The following CAMK2B variants were observed in gnomAD, a reference collection of about 807,000 sequenced individuals.
The protein encoded by CAMK2B is calcium/calmodulin-dependent protein kinase type II subunit beta.
A neutral mutation model predicts 93.7 loss-of-function variants in CAMK2B; 27 were observed. That is an observed-to-expected ratio of 0.29 (90% CI 0.21 to 0.40). The LOEUF (loss-of-function observed/expected upper bound fraction) is 0.40, where lower values mean the gene tolerates loss of function less well. Among genes scored for constraint, CAMK2B ranks in the 10% least tolerant of loss-of-function variants. CAMK2B has a pLI of 1.00. For synonymous variants in CAMK2B, 374 were observed against 358.8 expected, an observed-to-expected ratio of 1.04 and a Z score of -0.48; for missense variants, 568 against 895.8, an observed-to-expected ratio of 0.63 and a Z score of 4.67.
intron 4 of CAMK2B, among the ~76,000 whole-genome samples, chr7:44,258,456 A>G (rs2096853028): frequency 6.6e-6 from 1 of 152,204 alleles, no homozygotes; most frequent in Non-Finnish European, 1.5e-5. Flanking sequence ...CACATTTCAC[A>G]GCCACACTCA....
intron 2 of CAMK2B, among the ~76,000 whole-genome samples, chr7:44,274,735 G>A (rs2097015517): frequency 6.6e-6 from 1 of 152,264 alleles, no homozygotes; most frequent in South Asian, 2.1e-4. Context: ...CCTGGAGGGA[G>A]CAAGGGGCGG....
At chr7:44,228,948 GA>G in intron 18 of CAMK2B, 24 bp from the exon 19 acceptor site, 1 of 1,607,384 alleles carries the variant, frequency 6.2e-7, no homozygotes, top group Non-Finnish European at 8.5e-7. Flanking sequence ...GATGAGACGT[GA>G]ACATGAGGCA....
In CAMK2B at chr7:44,218,229, G is replaced by A. The variant is rs572135338; in HGVS notation, c.*1296C>T. ...GTAGCTTTTGCTCCCTTCTGCTCCC[G>A]GCCCAGATTCCAAAGGCACTCCCAC... On this transcript the variant is annotated 3_prime_UTR_variant, in exon 24 of 24. Coordinates refer to ENST00000395749, the MANE Select transcript of CAMK2B (RefSeq NM_001220.5). 134 of 153,112 alleles carry A rather than the reference G, an allele frequency of 8.8e-4. No homozygotes were observed. Among genetic ancestry groups the A allele is most frequent in the African/African-American group, 3.0e-3 (124 of 41,546 alleles). 9.5% of individuals were successfully genotyped at this position (153,112 alleles called of 1,614,324 possible). A position where few individuals can be genotyped will look rare whatever the true frequency, so the allele number is the denominator to read the frequency against.
In CAMK2B at chr7:44,239,556, G is replaced by T. The variant is rs779263548; in HGVS notation, c.1021+33C>A. 8 of 1,523,142 alleles carry T rather than the reference G, an allele frequency of 5.3e-6. No individual in the cohort carries two copies. In the South Asian group the frequency reaches 7.2e-5, roughly 14 times the overall value. The allele number at this position is 1,523,142 out of a possible 1,614,324, so 94.4% of individuals were successfully genotyped here. A position where few individuals can be genotyped will look rare whatever the true frequency, so the allele number is the denominator to read the frequency against. The stretch of plus-strand genomic sequence containing the variant: ...GCATGCTGGCAGGAGGGACGGGCGG[G>T]AGCGGGCGGGACGCTGGTCGAGACA... On this transcript the variant is annotated intron_variant, in intron 13 of 23. Coordinates refer to ENST00000395749, the MANE Select transcript of CAMK2B (RefSeq NM_001220.5).
At chr7:44,247,297 G>A (rs2096740988) in intron 5 of CAMK2B, 105 bp from the exon 6 acceptor site, 5 of 931,208 alleles carry the variant, frequency 5.4e-6, no homozygotes, top group South Asian at 1.4e-5. Flanking sequence ...GGGACCAGGG[G>A]GACAAAGCAA....
At chr7:44,244,790 C>T (rs532921043) in intron 6 of CAMK2B, 8 of 339,902 alleles carry the variant, frequency 2.4e-5, no homozygotes, top group Admixed American at 1.9e-4. Context: ...AGAGCTTCCT[C>T]GAAAGCTCCA....
In CAMK2B at chr7:44,242,283, T is replaced by G; in HGVS notation, c.754A>C (p.Met252Leu). The G allele has an allele frequency of 6.2e-7, 1 of 1,614,002 alleles. No individual in the cohort carries two copies. Among genetic ancestry groups the G allele is most frequent in the Non-Finnish European group, 8.5e-7 (1 of 1,179,912 alleles). The change falls in exon 10 of 24, where the codon ATG (methionine) becomes CTG (leucine). Residue 252 changes from methionine (M) to leucine (L), a missense_variant. Met to Leu is a conservative substitution (Grantham distance 15, BLOSUM62 2). This residue lies in a region of CAMK2B where 105 missense variants were observed against 372.4 expected (regional missense o/e 0.28). Transcript: ENST00000395749. ...TPEAKNLINQMLTINPAKRIT... is the reference protein window; with the variant it reads ...TPEAKNLINQLLTINPAKRIT... ...CGCTTGGCAGGGTTGATGGTCAGCATCTGGTTGATGAGGTTTTTGGCTTCA... is the reference window on the plus strand; with the variant it reads ...CGCTTGGCAGGGTTGATGGTCAGCAGCTGGTTGATGAGGTTTTTGGCTTCA...
At chr7:44,318,477 T>A (rs1016106050) in intron 1 of CAMK2B, among the ~76,000 whole-genome samples, 5 of 152,258 alleles carry the variant, frequency 3.3e-5, no homozygotes, top group African/African-American at 1.2e-4. Flanking sequence ...ACCTACTGTG[T>A]GCCAGGCACT....
chr7:44,324,396 G>A (rs1365955358), intron 1 of CAMK2B, among the ~76,000 whole-genome samples: 7 of 123,146 alleles, frequency 5.7e-5, no homozygotes, highest in Non-Finnish European at 1.2e-4. Context: ...GCCAGGTGCA[G>A]CCACCTTGAT....
chr7:44,240,773 C>T (rs371473495), intron 11 of CAMK2B, 24 bp from the exon 12 acceptor site: 23 of 1,612,200 alleles, frequency 1.4e-5, no homozygotes, highest in African/African-American at 6.7e-5. Flanking sequence ...CAGATAAAAC[C>T]GGGGCTATCC....
intron 1 of CAMK2B, among the ~76,000 whole-genome samples, chr7:44,290,851 C>T (rs2129138524): frequency 6.6e-6 from 1 of 152,276 alleles, no homozygotes; most frequent in South Asian, 2.1e-4. Context: ...CTCACGTTCA[C>T]AGTAGATGGA....
intron 13 of CAMK2B, 112 bp downstream of exon 13, chr7:44,239,477 C>A: frequency 3.2e-6 from 3 of 923,866 alleles, no homozygotes; most frequent in Non-Finnish European, 5.0e-6. Context: ...GGGGGCCTGG[C>A]GGCCTCTGGG....
intron 2 of CAMK2B, among the ~76,000 whole-genome samples, chr7:44,267,615 G>T (rs769207842): frequency 4.6e-5 from 7 of 152,132 alleles, no homozygotes; most frequent in Non-Finnish European, 8.8e-5. Flanking sequence ...ATGCGCACAC[G>T]TGTGTACACA....
intron 14 of CAMK2B, 28 bp downstream of exon 14, chr7:44,234,611 G>A (rs556315879): frequency 6.2e-7 from 1 of 1,613,342 alleles, no homozygotes; most frequent in Non-Finnish European, 8.5e-7. Flanking sequence ...GGGCTCCCCG[G>A]CACCACAGGG....
chr7:44,228,528 G>T (rs62459096), intron 19 of CAMK2B, among the ~76,000 whole-genome samples: 9,178 of 152,200 alleles, frequency 0.06, 325 homozygotes, highest in Middle Eastern at 0.075. Context: ...CAGACATTTT[G>T]GAGAGGGGCC....
At chr7:44,257,576 C>T (rs2096845098) in intron 4 of CAMK2B, among the ~76,000 whole-genome samples, 1 of 152,234 alleles carries the variant, frequency 6.6e-6, no homozygotes, top group Non-Finnish European at 1.5e-5. Context: ...TGCTGGGGCA[C>T]ACAGGTGTGG....
At chr7:44,241,101 G>A (rs1259557588) in intron 11 of CAMK2B, among the ~76,000 whole-genome samples, 1 of 152,162 alleles carries the variant, frequency 6.6e-6, no homozygotes, top group Non-Finnish European at 1.5e-5. Flanking sequence ...GACAGGCTCA[G>A]ACAGGGCAAC....
chr7:44,292,025 G>T (rs191434231), intron 1 of CAMK2B, among the ~76,000 whole-genome samples: 5 of 152,150 alleles, frequency 3.3e-5, no homozygotes, highest in Admixed American at 3.3e-4. Flanking sequence ...CCAACCAAGC[G>T]GTTTAAACAA....
At chr7:44,232,113 G>C (rs1304418228) in intron 16 of CAMK2B, among the ~76,000 whole-genome samples, 1 of 152,210 alleles carries the variant, frequency 6.6e-6, no homozygotes, top group Non-Finnish European at 1.5e-5. Context: ...TGGACCCCCT[G>C]GTCCCTGCCA....
Sources: allele counts gnomAD v4.1 joint callset (sites outside exome capture counted in the v4.1 genomes callset), GRCh38; gene constraint gnomAD v4.1.1; regional missense constraint gnomAD v4.1.1; transcripts MANE v1.5; gene names NCBI Gene and HGNC (gene_info 2026-07-23, HGNC 2026-07-21).